GLS: variants seen among roughly 807,000 people sequenced by gnomAD.
GLS encodes the protein glutaminase.
Under a neutral mutation model 86.7 loss-of-function variants are expected in GLS, and 36 were observed. That is an observed-to-expected ratio of 0.42 (90% CI 0.32 to 0.55). GLS has a LOEUF of 0.55. GLS is among the 20% of genes least tolerant of loss of function. The probability of loss-of-function intolerance (pLI) is 0.17; values close to 1 mark genes in which losing one functional copy is unlikely to be tolerated. For missense variants in GLS, 528 were observed against 833.4 expected (o/e 0.63, Z 4.51); for synonymous variants, 317 against 305.9 (o/e 1.04, Z -0.38).
intron 12 of GLS, among the ~76,000 whole-genome samples, chr2:190,929,629 G>A (rs1021968866): frequency 1.3e-5 from 2 of 151,474 alleles, no homozygotes; most frequent in African/African-American, 2.4e-5. Context: ...GCCACCACAC[G>A]CGGCTAAGTT....
chr2:190,902,074 T>C (rs759901485), intron 5 of GLS, 48 bp downstream of exon 5: 1 of 1,016,038 alleles, frequency 9.8e-7, no homozygotes, highest in Non-Finnish European at 1.6e-6. Context: ...CCTTAACTTT[T>C]GTATAATGGT....
intron 9 of GLS, among the ~76,000 whole-genome samples, chr2:190,922,812 TATC>T (rs1291626967): frequency 6.6e-6 from 1 of 152,224 alleles, no homozygotes; most frequent in Non-Finnish European, 1.5e-5. Flanking sequence ...GTTCCTCTAA[TATC>T]AGCAGCCCTT....
At chr2:190,885,173 CGAG>C (rs1419327660) in intron 1 of GLS, among the ~76,000 whole-genome samples, 2 of 151,802 alleles carry the variant, frequency 1.3e-5, no homozygotes, top group Non-Finnish European at 2.9e-5. Context: ...AGAAAATCAT[CGAG>C]GTGTATACTC....
At chr2:190,889,492 C>T (rs971379522) in intron 1 of GLS, among the ~76,000 whole-genome samples, 2 of 152,084 alleles carry the variant, frequency 1.3e-5, no homozygotes, top group Non-Finnish European at 2.9e-5. Flanking sequence ...TAACTTCTAC[C>T]TATATATGTT....
At chr2:190,927,691 A>T (rs994184357) in intron 12 of GLS, 1 of 440,066 alleles carries the variant, frequency 2.3e-6, no homozygotes, top group African/African-American at 2.1e-5. Context: ...GATTTATAGA[A>T]CCTCATCCCT....
chr2:190,959,496 A>G (rs1408641077), intron 17 of GLS, among the ~76,000 whole-genome samples: 1 of 152,156 alleles, frequency 6.6e-6, no homozygotes, highest in African/African-American at 2.4e-5. Context: ...CCTTCAGTTG[A>G]TGCAGTTTCT....
At chr2:190,884,031 C>G (rs182115038) in intron 1 of GLS, among the ~76,000 whole-genome samples, 37 of 152,224 alleles carry the variant, frequency 2.4e-4, no homozygotes, top group Non-Finnish European at 3.8e-4. Flanking sequence ...ATTTAATGAT[C>G]TTTGCTCAGT....
rs73981363 is a variant in GLS, at chr2:190,896,888, C to T, written c.605+1163C>T. 5.0e-3 allele frequency among the ~76,000 whole-genome samples: 760 copies of T among 152,206 alleles called. 5 individuals carry two copies. Among genetic ancestry groups the T allele is most frequent in the African/African-American group, 0.018 (728 of 41,534 alleles). ...ATTATTTTTCGTGTTCATGAACTGT[C>T]TGCACAATATTCTGATTAAAGTGCT... On this transcript the variant is annotated intron_variant, in intron 3 of 17. Transcript: ENST00000320717.
At chr2:190,889,288 G>A (rs1430661771) in intron 1 of GLS, among the ~76,000 whole-genome samples, 3 of 152,106 alleles carry the variant, frequency 2.0e-5, no homozygotes, top group Non-Finnish European at 4.4e-5. Flanking sequence ...TTAGATTGAG[G>A]ATTATAAGAG....
At chr2:190,902,096 G>A in intron 5 of GLS, 70 bp downstream of exon 5, 2 of 830,810 alleles carry the variant, frequency 2.4e-6, no homozygotes, top group Non-Finnish European at 2.1e-6. Context: ...AGAATGACAT[G>A]GAGAAGATCA....
chr2:190,912,346 CTTT>C (rs34419675), intron 7 of GLS, among the ~76,000 whole-genome samples: 5 of 122,514 alleles, frequency 4.1e-5, no homozygotes, highest in Non-Finnish European at 6.7e-5. Flanking sequence ...TTCACAAGTG[CTTT>C]TTTTTTTTTT....
Position 190,924,948 on chromosome 2 carries a change from A to G in GLS, c.1248+355A>G, listed in dbSNP as rs1689852032. 6.6e-6 allele frequency among the ~76,000 whole-genome samples: 1 copy of G among 152,202 alleles called. No homozygotes were observed. The highest frequency in any genetic ancestry group is 1.5e-5 in the Non-Finnish European group (1 of 68,026). ...AAATGGATGTGTCACATTATGCAAA[A>G]TATAGATGTCTCAGAAATCTTGGTT... On this transcript the variant is annotated intron_variant, in intron 11 of 17. Coordinates refer to ENST00000320717, the MANE Select transcript of GLS (RefSeq NM_014905.5). The surrounding 1 kb of genome is among the most constrained non-coding windows in gnomAD (Gnocchi z 5.2).
At chr2:190,891,213 A>G (rs1278004846) in intron 1 of GLS, among the ~76,000 whole-genome samples, 2 of 152,100 alleles carry the variant, frequency 1.3e-5, no homozygotes, top group Non-Finnish European at 2.9e-5. Context: ...TTTTTGAAAA[A>G]CACTTCTACC....
intron 11 of GLS, among the ~76,000 whole-genome samples, chr2:190,925,686 T>G (rs1041721826): frequency 6.6e-6 from 1 of 152,022 alleles, no homozygotes; most frequent in Non-Finnish European, 1.5e-5. Flanking sequence ...ATAAGGGAGG[T>G]TGATAATGAG....
chr2:190,880,843 G>A lies in GLS; in HGVS notation c.-242G>A, dbSNP rs115938555. 0.042 allele frequency: 32,994 copies of A among 785,504 alleles called. 2,502 individuals are homozygous for A. Among genetic ancestry groups the A allele is most frequent in the Non-Finnish European group, 0.051 (24,178 of 475,962 alleles). 48.7% of individuals were successfully genotyped at this position (785,504 alleles called of 1,614,324 possible). ...CTCAGTGCGGAGCCTTAGGCGGAGCGAAGAGAACCGGTCGCGGCAATCCTA... is the reference window on the plus strand; with the variant it reads ...CTCAGTGCGGAGCCTTAGGCGGAGCAAAGAGAACCGGTCGCGGCAATCCTA... On this transcript the variant is annotated 5_prime_UTR_variant, in exon 1 of 18. Coordinates refer to ENST00000320717, the MANE Select transcript of GLS (RefSeq NM_014905.5).
chr2:190,917,061 C>A (rs1044627014), intron 7 of GLS, among the ~76,000 whole-genome samples: 3 of 152,128 alleles, frequency 2.0e-5, no homozygotes. Context: ...GTTGCCACAT[C>A]AATTGACTCT....
Position 190,963,939 on chromosome 2 carries a change from C to G in GLS, c.*953C>G, listed in dbSNP as rs2124963170. 1 of 151,838 alleles carries G rather than the reference C, an allele frequency of 6.6e-6. No individual in the cohort carries two copies. The highest frequency in any genetic ancestry group is 2.1e-4 in the South Asian group (1 of 4,796). 9.4% of individuals were successfully genotyped at this position (151,838 alleles called of 1,614,324 possible). On this transcript the variant is annotated 3_prime_UTR_variant, in exon 18 of 18. Transcript: ENST00000320717. ...TTAGCTTCTAGGGTAAAGATAAATTCAGAAATGCTCTAAGCTACCAAAGTT... is the reference window on the plus strand; with the variant it reads ...TTAGCTTCTAGGGTAAAGATAAATTGAGAAATGCTCTAAGCTACCAAAGTT...
In GLS at chr2:190,895,736, C is replaced by A; in HGVS notation, c.605+11C>A. 6.4e-7 allele frequency: 1 copy of A among 1,570,884 alleles called. No homozygotes were observed. Among genetic ancestry groups the A allele is most frequent in the African/African-American group, 1.3e-5 (1 of 74,078 alleles). ...AGATCTTTTTAAAAAGTAAAAGTTT[C>A]TGCCAAACCTTTAATGGTGATTTGC... On this transcript the variant is annotated intron_variant, in intron 3 of 17. Coordinates refer to ENST00000320717, the MANE Select transcript of GLS (RefSeq NM_014905.5). This position sits in a 1 kb window ranked among gnomAD's most constrained non-coding sequence, Gnocchi z 4.2.
intron 1 of GLS, among the ~76,000 whole-genome samples, chr2:190,888,549 G>A (rs974327567): frequency 1.3e-5 from 2 of 152,158 alleles, no homozygotes; most frequent in African/African-American, 2.4e-5. Context: ...CAGCTTTTGG[G>A]GTTCTCTAGT....
Sources: allele counts gnomAD v4.1 joint callset (sites outside exome capture counted in the v4.1 genomes callset), GRCh38; gene constraint gnomAD v4.1.1; non-coding constraint Gnocchi (gnomAD v3.1); transcripts MANE v1.5; gene names NCBI Gene and HGNC (gene_info 2026-07-23, HGNC 2026-07-21).